Variants in LVRN observed in about 807,000 individuals in gnomAD.
The protein encoded by LVRN is laeverin.
A neutral mutation model predicts 111.4 loss-of-function variants in LVRN; 99 were observed. The observed-to-expected ratio is 0.89, with a 90% CI of 0.76 to 1.05. LVRN has a LOEUF of 1.05. Among genes scored for constraint, LVRN ranks in the 50% least tolerant of loss-of-function variants. The pLI is 0.00. For synonymous variants in LVRN, 488 were observed against 449.5 expected, an observed-to-expected ratio of 1.09 and a Z score of -1.08; for missense variants, 1,414 against 1,206.8, an observed-to-expected ratio of 1.17 and a Z score of -2.54.
intron 1 of LVRN, among the ~76,000 whole-genome samples, chr5:115,973,011 C>T (rs1580376749): frequency 6.6e-6 from 1 of 152,196 alleles, no homozygotes; most frequent in Middle Eastern, 3.4e-3. Context: ...TCACTACAGC[C>T]TTGACTTCCA....
intron 19 of LVRN, among the ~76,000 whole-genome samples, 195 bp downstream of exon 19, chr5:116,022,661 G>T (rs1056729851): frequency 3.9e-5 from 6 of 152,100 alleles, no homozygotes; most frequent in Non-Finnish European, 8.8e-5. Context: ...GTTCATGGAG[G>T]GTGGCACTTC....
intron 13 of LVRN, among the ~76,000 whole-genome samples, chr5:116,006,862 A>T (rs1366202): frequency 0.78 from 118,620 of 152,114 alleles, 46,724 homozygotes; most frequent in Non-Finnish European, 0.83. Context: ...TCATACAAAT[A>T]CAGTGCCTTA....
intron 4 of LVRN, among the ~76,000 whole-genome samples, chr5:115,990,028 G>A (rs992517280): frequency 1.3e-5 from 2 of 152,160 alleles, no homozygotes; most frequent in African/African-American, 4.8e-5. Context: ...TTTCTCCTGT[G>A]TTGTTCTCTT....
intron 14 of LVRN, 56 bp downstream of exon 14, chr5:116,010,950 T>C: frequency 7.6e-7 from 1 of 1,317,028 alleles, no homozygotes; most frequent in Non-Finnish European, 9.9e-7. Context: ...CTTCTTTTCA[T>C]ATTTTAGCCA....
rs548250652 is a variant in LVRN, at chr5:116,026,428, G to A, written c.*310G>A. On this transcript the variant is annotated 3_prime_UTR_variant, in exon 20 of 20. Coordinates refer to ENST00000357872, the MANE Select transcript of LVRN (RefSeq NM_173800.5). Reference sequence around the variant, plus strand: ...CTAAGATAGTCTTGCTTATTTTGTTGCGAAGGCCAGTGGAATATAAAAATC... The same window carrying A: ...CTAAGATAGTCTTGCTTATTTTGTTACGAAGGCCAGTGGAATATAAAAATC... The A allele has an allele frequency of 3.9e-5, 14 of 359,366 alleles. No homozygotes were observed. Among genetic ancestry groups the A allele is most frequent in the Admixed American group, 3.6e-4 (8 of 22,496 alleles). 22.3% of individuals were successfully genotyped at this position (359,366 alleles called of 1,614,324 possible).
At chr5:116,015,519 G>A (rs553340405) in intron 17 of LVRN, 100 bp downstream of exon 17, 157 of 1,470,120 alleles carry the variant, frequency 1.1e-4, no homozygotes, top group Non-Finnish European at 1.3e-4. Context: ...AAAACGTTGC[G>A]TATTTGTGCT....
At chr5:115,986,542 A>C (rs780098682) in intron 3 of LVRN, among the ~76,000 whole-genome samples, 1 of 152,210 alleles carries the variant, frequency 6.6e-6, no homozygotes, top group Non-Finnish European at 1.5e-5. Context: ...GAAGTTTGGC[A>C]TGAGTCTATC....
chr5:115,992,054 G>C lies in LVRN; in HGVS notation c.1106-69G>C, dbSNP rs2112584035. 2.1e-6 allele frequency: 3 copies of C among 1,432,872 alleles called. No individual in the cohort carries two copies. The East Asian group carries it at 6.9e-5, about 33-fold the overall frequency. The allele number at this position is 1,432,872 out of a possible 1,614,324, so 88.8% of individuals were successfully genotyped here. ...TTTGGTAATTTTATGATTTCATTTT[G>C]AGATATTTAAAAAATCCCATTTTTT... On this transcript the variant is annotated intron_variant, in intron 4 of 19. Coordinates refer to ENST00000357872, the MANE Select transcript of LVRN (RefSeq NM_173800.5).
chr5:116,011,897 A>G (rs57048936), intron 14 of LVRN, among the ~76,000 whole-genome samples: 7,555 of 152,226 alleles, frequency 0.05, 401 homozygotes, highest in East Asian at 0.24. Flanking sequence ...GCTTATATTT[A>G]TTTCAAAATT....
intron 6 of LVRN, among the ~76,000 whole-genome samples, chr5:115,999,520 C>A (rs1372650900): frequency 6.6e-6 from 1 of 152,122 alleles, no homozygotes; most frequent in Non-Finnish European, 1.5e-5. Context: ...ACCACATTAA[C>A]TTTGTAATTG....
intron 7 of LVRN, 42 bp downstream of exon 7, chr5:115,999,944 A>G (rs762677478): frequency 3.2e-6 from 5 of 1,568,122 alleles, no homozygotes; most frequent in Non-Finnish European, 3.5e-6. Flanking sequence ...GTACTCTGGT[A>G]GAAAGTTGCA....
In LVRN at chr5:116,003,227, A is replaced by G. The variant is rs1287498093; in HGVS notation, c.1898-14A>G. On this transcript the variant is annotated splice_polypyrimidine_tract_variant and intron_variant, in intron 11 of 19. Transcript: ENST00000357872. ...AAATGTACCATTTCAAATTATTCCC[A>G]TATTCCTTTATAGAAGTATTCCCAG... is the stretch of plus-strand genomic sequence containing the variant. The G allele has an allele frequency of 3.2e-6, 5 of 1,563,852 alleles. No homozygotes were observed. The highest frequency in any genetic ancestry group is 1.2e-5 in the South Asian group (1 of 83,972).
rs1753113588 is a variant in LVRN, at chr5:115,962,868, C to G, written c.251C>G (p.Pro84Arg). The G allele has an allele frequency of 6.2e-7, 1 of 1,613,054 alleles. No individual in the cohort carries two copies. Among genetic ancestry groups the G allele is most frequent in the East Asian group, 2.2e-5 (1 of 44,828 alleles). Residue 84 changes from proline to arginine, a missense_variant, in exon 1 of 20, where the codon CCG (proline) becomes CGG (arginine). By Grantham distance (103) the Pro-to-Arg change is moderately radical. Transcript: ENST00000357872. ...CGCGAGCTAGCGGTGACGACCACCC[C>G]GAGCAACTGGCGACCCCCGGGGCCC... ...SARELAVTTT[P>R]SNWRPPGPWD... is the part of the protein sequence containing the mutation.
intron 13 of LVRN, among the ~76,000 whole-genome samples, chr5:116,008,285 A>C (rs1039687437): frequency 7.2e-5 from 11 of 152,170 alleles, no homozygotes; most frequent in African/African-American, 2.7e-4. Flanking sequence ...CAGAGCTTGC[A>C]GTGAGCAGAG....
chr5:115,975,178 A>G, intron 1 of LVRN: 1 of 472,332 alleles, frequency 2.1e-6, no homozygotes, highest in Non-Finnish European at 4.2e-6. Flanking sequence ...CCTGGTCATA[A>G]TATTCTGCCT....
rs754877311 is a variant in LVRN at position 115,962,994 on chromosome 5, C to A, written c.377C>A (p.Pro126His). ...GACGAGCTTCCGGCCGGGTCTTTGCCCTTCACTGGCCGCGTGAACATCACG... is the reference window on the plus strand; with the variant it reads ...GACGAGCTTCCGGCCGGGTCTTTGCACTTCACTGGCCGCGTGAACATCACG... ...RPDELPAGSL[P>H]FTGRVNITVR... The change falls in exon 1 of 20, where the codon CCC becomes CAC. Residue 126 changes from proline (P) to histidine (H), a missense_variant. Pro to His is a moderately conservative substitution (Grantham distance 77). Coordinates refer to ENST00000357872, the MANE Select transcript of LVRN (RefSeq NM_173800.5). The A allele has an allele frequency of 6.2e-7, 1 of 1,613,584 alleles. No homozygotes were observed. Among genetic ancestry groups the A allele is most frequent in the Admixed American group, 1.7e-5 (1 of 60,020 alleles).
At chr5:116,010,924 A>G (rs1489659161) in intron 14 of LVRN, 30 bp downstream of exon 14, 1 of 1,488,226 alleles carries the variant, frequency 6.7e-7, no homozygotes, top group African/African-American at 1.4e-5. Flanking sequence ...TGTAGTTTTT[A>G]AATAAATCCT....
Position 115,962,966 on chromosome 5 carries a change from C to A in LVRN, c.349C>A (p.Pro117Thr), listed in dbSNP as rs751947305. Residue 117 changes from proline (P) to threonine (T), a missense_variant, in exon 1 of 20, where the codon CCC (proline) becomes ACC (threonine). Pro to Thr is a conservative substitution (Grantham distance 38, BLOSUM62 -1). Coordinates refer to ENST00000357872, the MANE Select transcript of LVRN (RefSeq NM_173800.5). ...TCTGGAGCTGTGGCCGCAGCTGAGG[C>A]CCGACGAGCTTCCGGCCGGGTCTTT... ...YDLELWPQLR[P>T]DELPAGSLPF... 11 of 1,613,182 alleles carry A rather than the reference C, an allele frequency of 6.8e-6. No individual in the cohort carries two copies. The highest frequency in any genetic ancestry group is 6.7e-5 in the African/African-American group (5 of 74,920).
intron 1 of LVRN, among the ~76,000 whole-genome samples, chr5:115,978,151 A>G (rs1446661351): frequency 6.6e-6 from 1 of 152,184 alleles, no homozygotes; most frequent in Non-Finnish European, 1.5e-5. Context: ...ATGACACACA[A>G]GAGAGAAATT....
Sources: allele counts gnomAD v4.1 joint callset (sites outside exome capture counted in the v4.1 genomes callset), GRCh38; gene constraint gnomAD v4.1.1; transcripts MANE v1.5; gene names NCBI Gene and HGNC (gene_info 2026-07-23, HGNC 2026-07-21).